NSUN2: variants seen among roughly 807,000 people sequenced by gnomAD.
NSUN2 encodes NOP2/Sun RNA methyltransferase 2.
Under a neutral mutation model 92.7 loss-of-function variants are expected in NSUN2, and 63 were observed. That is an observed-to-expected ratio of 0.68 (90% CI 0.56 to 0.84). The LOEUF is 0.84. Ranked by LOEUF, NSUN2 falls within the 40% of genes least tolerant of loss-of-function variation. The pLI, the probability that NSUN2 is intolerant of heterozygous loss-of-function variation, is 0.00. For synonymous variants in NSUN2, 356 were observed against 348.3 expected (o/e 1.02, Z -0.25); for missense variants, 989 against 964.9 (o/e 1.02, Z -0.33).
At position 6,620,154 on chromosome 5, in the gene NSUN2, C is replaced by T. The variant is rs1456146368; in HGVS notation, c.767G>A (p.Arg256Lys). The T allele has an allele frequency of 2.5e-6, 4 of 1,610,518 alleles. No individual in the cohort carries two copies. Among genetic ancestry groups the T allele is most frequent in the Non-Finnish European group, 3.4e-6 (4 of 1,178,662 alleles). Residue 256 changes from arginine (R) to lysine (K), a missense_variant, in exon 7 of 19, where the codon AGG becomes AAG. Arg to Lys is a conservative substitution (Grantham distance 26). Around this residue, in one of 3 missense-constraint regions of NSUN2, gnomAD observed 356 missense variants for 338.6 expected, o/e 1.05. Coordinates refer to ENST00000264670, the MANE Select transcript of NSUN2 (RefSeq NM_017755.6). Reference protein sequence around the residue: ...IPRLQIDVDGRKEILFYDRIL... With the variant: ...IPRLQIDVDGKKEILFYDRIL... ...TCGATCATAGAAGAGGATCTCTTTC[C>T]TGCCGTCCACATCTATCTGGAGCCT...
Position 6,616,758 on chromosome 5 carries a change from T to G in NSUN2, c.990A>C (p.Ala330=). 1 of 1,510,506 alleles carries G rather than the reference T, an allele frequency of 6.6e-7. No individual in the cohort carries two copies. Among genetic ancestry groups the G allele is most frequent in the Non-Finnish European group, 8.8e-7 (1 of 1,130,310 alleles). 93.6% of individuals were successfully genotyped at this position (1,510,506 alleles called of 1,614,324 possible). Residue 330 remains alanine, a synonymous_variant, in exon 9 of 19, where the codon GCA becomes GCC. Transcript: ENST00000264670. ...TCSLNPIEDE[A]VIASLLEKSE... ...TTTTTTCCAGTAAAGATGCTATGAC[T>G]GCTTCATCCTCAATAGGGTTTAGTG... is the stretch of plus-strand genomic sequence containing the variant.
chr5:6,627,541 C>T (rs1310984858), intron 3 of NSUN2, among the ~76,000 whole-genome samples: 2 of 152,084 alleles, frequency 1.3e-5, no homozygotes, highest in Non-Finnish European at 2.9e-5. Flanking sequence ...ATGTCTTTTT[C>T]GTCAAATTTC....
At chr5:6,602,103 G>A (rs975870157) in intron 18 of NSUN2, among the ~76,000 whole-genome samples, 3 of 152,220 alleles carry the variant, frequency 2.0e-5, no homozygotes, top group Non-Finnish European at 4.4e-5. Flanking sequence ...ACACATGGCT[G>A]AACCAGCCAT....
At chr5:6,620,070 A>T in intron 7 of NSUN2, 36 bp downstream of exon 7, 1 of 1,474,294 alleles carries the variant, frequency 6.8e-7, no homozygotes, top group Non-Finnish European at 9.1e-7. Context: ...TGATTTCTTT[A>T]GTGGATTTGG....
At position 6,604,290 on chromosome 5, in the gene NSUN2, G is replaced by A. The variant is rs776806036; in HGVS notation, c.1819-14C>T. 2 of 1,580,834 alleles carry A rather than the reference G, an allele frequency of 1.3e-6. No individual in the cohort carries two copies. The highest frequency in any genetic ancestry group is 1.7e-6 in the Non-Finnish European group (2 of 1,154,676). On this transcript the variant is annotated splice_polypyrimidine_tract_variant and intron_variant, in intron 16 of 18. Coordinates refer to ENST00000264670, the MANE Select transcript of NSUN2 (RefSeq NM_017755.6). ...TGTATATATTCCCTGTGTGAATAAA[G>A]AGAATGAGAGAACAGATACCATGAT...
chr5:6,602,527 C>A, intron 17 of NSUN2, 27 bp from the exon 18 acceptor site: 1 of 1,612,592 alleles, frequency 6.2e-7, no homozygotes, highest in Non-Finnish European at 8.5e-7. Flanking sequence ...CACACATTTG[C>A]CAGGTTTTCC....
chr5:6,620,196 T>C lies in NSUN2; in HGVS notation c.725A>G (p.Asp242Gly). 1 of 1,613,430 alleles carries C rather than the reference T, an allele frequency of 6.2e-7. No individual in the cohort carries two copies. Among genetic ancestry groups the C allele is most frequent in the Admixed American group, 1.7e-5 (1 of 59,876 alleles). ...CTGGAGCCTGGGTATGCTGGAGGCA[T>C]CATGGTTGACCACCATGATGCAGGG... is the stretch of plus-strand genomic sequence containing the variant. ...SSPCIMVVNH[D>G]ASSIPRLQID... The change falls in exon 7 of 19, where the codon GAT becomes GGT. Residue 242 changes from aspartate (D) to glycine (G), a missense_variant. Physicochemically the swap from Asp to Gly is moderately conservative, Grantham distance 94. This residue lies in a region of NSUN2 where 356 missense variants were observed against 338.6 expected (regional missense o/e 1.05). Transcript: ENST00000264670.
rs761257580 is a variant in NSUN2 at position 6,605,326 on chromosome 5, T to C, written c.1684A>G (p.Met562Val). The change falls in exon 15 of 19, where the codon ATG (methionine) becomes GTG (valine). Residue 562 changes from methionine to valine, a missense_variant. Coordinates refer to ENST00000264670, the MANE Select transcript of NSUN2 (RefSeq NM_017755.6). ...ACATTCCGCAACTCCTTAGAAACCATGTAGAGCTGCCTTTTCTTCCCTTCT... is the reference window on the plus strand; with the variant it reads ...ACATTCCGCAACTCCTTAGAAACCACGTAGAGCTGCCTTTTCTTCCCTTCT... Reference protein sequence around the residue: ...TTEGKKRQLYMVSKELRNVLL... With the variant: ...TTEGKKRQLYVVSKELRNVLL... The C allele has an allele frequency of 8.1e-6, 13 of 1,614,202 alleles. No individual in the cohort carries two copies. The highest frequency in any genetic ancestry group is 2.7e-5 in the African/African-American group (2 of 75,048).
Position 6,611,028 on chromosome 5 carries a change from G to T in NSUN2, c.1153C>A (p.His385Asn). 1 of 1,614,146 alleles carries T rather than the reference G, an allele frequency of 6.2e-7. No individual in the cohort carries two copies. Among genetic ancestry groups the T allele is most frequent in the Non-Finnish European group, 8.5e-7 (1 of 1,180,032 alleles). Residue 385 changes from histidine (H) to asparagine (N), a missense_variant, in exon 11 of 19, where the codon CAC (histidine) becomes AAC (asparagine). His to Asn is a moderately conservative substitution (Grantham distance 68). Transcript: ENST00000264670. Reference sequence around the variant, plus strand: ...AACATGGTAGGTCGGATCTGGGTGTGTCTGCTGTGAGGAACAGCGTCCCAG... The same window carrying T: ...AACATGGTAGGTCGGATCTGGGTGTTTCTGCTGTGAGGAACAGCGTCCCAG... ...TDWDAVPHSR[H>N]TQIRPTMFPP...
rs1053264823 is a variant in NSUN2 at position 6,605,345 on chromosome 5, C to T, written c.1665G>A (p.Gly555=). 2 of 1,614,104 alleles carry T rather than the reference C, an allele frequency of 1.2e-6. No individual in the cohort carries two copies. Among genetic ancestry groups the T allele is most frequent in the African/African-American group, 2.7e-5 (2 of 74,926 alleles). The change falls in exon 15 of 19, where the codon GGG becomes GGA. Residue 555 remains glycine, a synonymous_variant. Coordinates refer to ENST00000264670, the MANE Select transcript of NSUN2 (RefSeq NM_017755.6). The stretch of plus-strand genomic sequence containing the variant: ...AAACCATGTAGAGCTGCCTTTTCTT[C>T]CCTTCTGTAGTCCGAGTTAACAAAT... The part of the protein sequence containing the change: ...RMNLLTRTTE[G]KKRQLYMVSK...
At position 6,611,078 on chromosome 5, in the gene NSUN2, G is replaced by A. The variant is rs200705396; in HGVS notation, c.1103C>T (p.Thr368Met). The change falls in exon 11 of 19, where the codon ACG becomes ATG. Residue 368 changes from threonine to methionine, a missense_variant. Around this residue, in one of 3 missense-constraint regions of NSUN2, gnomAD observed 626 missense variants for 602.3 expected, o/e 1.04. Coordinates refer to ENST00000264670, the MANE Select transcript of NSUN2 (RefSeq NM_017755.6). ...MPGITQWKVM[T>M]KDGQWFTDWD... ...GTCTGTAAACCACTGCCCATCTTTC[G>A]TCATTACCTGCAGAACCACAGGGTA... 29 of 1,613,968 alleles carry A rather than the reference G, an allele frequency of 1.8e-5. No individual in the cohort carries two copies. The highest frequency in any genetic ancestry group is 1.6e-4 in the Middle Eastern group (1 of 6,084).
intron 1 of NSUN2, 21 bp downstream of exon 1, chr5:6,632,863 C>T (rs1737992731): frequency 6.5e-7 from 1 of 1,536,486 alleles, no homozygotes; most frequent in Non-Finnish European, 8.7e-7. Context: ...CCTGGCCCGC[C>T]CGCCGGGTCC....
rs6884320 is a variant in NSUN2 at position 6,611,914 on chromosome 5, T to C, written c.1022-116A>G. On this transcript the variant is annotated intron_variant, in intron 9 of 18. Coordinates refer to ENST00000264670, the MANE Select transcript of NSUN2 (RefSeq NM_017755.6). Reference sequence around the variant, plus strand: ...TATATGATTCCATGTACAGAAAATGTCCAGGGAAGGCAAACCCGTCGACAG... The same window carrying C: ...TATATGATTCCATGTACAGAAAATGCCCAGGGAAGGCAAACCCGTCGACAG... 322,948 of 914,460 alleles carry C rather than the reference T, an allele frequency of 0.35. 59,742 individuals are homozygous for C. The highest frequency in any genetic ancestry group is 0.38 in the Non-Finnish European group (229,179 of 601,774). 56.6% of individuals were successfully genotyped at this position (914,460 alleles called of 1,614,324 possible). A position where few individuals can be genotyped will look rare whatever the true frequency, so the allele number is the denominator to read the frequency against.
chr5:6,600,156 T>C lies in NSUN2; in HGVS notation c.2074A>G (p.Lys692Glu). 1 of 1,614,248 alleles carries C rather than the reference T, an allele frequency of 6.2e-7. No individual in the cohort carries two copies. The highest frequency in any genetic ancestry group is 8.5e-7 in the Non-Finnish European group (1 of 1,180,036). ...GKASIRTFVP[K>E]NERLHYLRMM... is the part of the protein sequence containing the mutation. ...CTGAGATAATGAAGCCGTTCATTCT[T>C]GGGCACAAAAGTTCGAATGGAGGCC... Residue 692 changes from lysine to glutamate, a missense_variant, in exon 19 of 19, where the codon AAG becomes GAG. Physicochemically the swap from Lys to Glu is moderately conservative, Grantham distance 56 (BLOSUM62 1). Transcript: ENST00000264670.
In NSUN2 at chr5:6,614,850, G is replaced by C. The variant is rs3776436; in HGVS notation, c.1021+1877C>G. Among the ~76,000 whole-genome samples the C allele has an allele frequency of 9.3e-3, 1,410 of 151,480 alleles. 19 individuals carry two copies. Among genetic ancestry groups the C allele is most frequent in the African/African-American group, 0.032 (1,327 of 41,330 alleles). ...GGACTCAGGCCAGCAAGTCCTGCCT[G>C]CAAAGAGTGACTCCAGCCACGAGTG... On this transcript the variant is annotated intron_variant, in intron 9 of 18. Transcript: ENST00000264670.
Position 6,600,038 on chromosome 5 carries a change from T to A in NSUN2, c.2192A>T (p.Asp731Val), listed in dbSNP as rs1299322582. 6.2e-7 allele frequency: 1 copy of A among 1,614,254 alleles called. No individual in the cohort carries two copies. The highest frequency in any genetic ancestry group is 1.1e-5 in the South Asian group (1 of 91,088). Residue 731 changes from aspartate (D) to valine (V), a missense_variant, in exon 19 of 19, where the codon GAC becomes GTC. By Grantham distance (152) the Asp-to-Val change is radical (BLOSUM62 -3). This residue lies in a region of NSUN2 where 626 missense variants were observed against 602.3 expected (regional missense o/e 1.04). Transcript: ENST00000264670. ...TCCTGCTCTCTGTCCCTCAGTCACG[T>A]CATTGTCTGGCTGTCCGGTGCTGGC... The part of the protein sequence containing the change: ...SAASTGQPDN[D>V]VTEGQRAGEP...
At chr5:6,600,963 G>A (rs140274073) in intron 18 of NSUN2, among the ~76,000 whole-genome samples, 6 of 152,254 alleles carry the variant, frequency 3.9e-5, no homozygotes, top group Admixed American at 1.3e-4. Flanking sequence ...CCCCAGCAGA[G>A]ATGGACGCCA....
intron 3 of NSUN2, among the ~76,000 whole-genome samples, chr5:6,631,100 AACAAACAG>A (rs1276588949): frequency 6.6e-6 from 1 of 152,136 alleles, no homozygotes; most frequent in Non-Finnish European, 1.5e-5. Flanking sequence ...TCTCCAAACA[AACAAACAG>A]ACAAACAAAA....
intron 7 of NSUN2, among the ~76,000 whole-genome samples, chr5:6,618,386 A>C (rs1395328395): frequency 6.6e-6 from 1 of 152,232 alleles, no homozygotes; most frequent in Non-Finnish European, 1.5e-5. Context: ...CAACAATGAC[A>C]CTTTAATCAG....
Sources: allele counts gnomAD v4.1 joint callset (sites outside exome capture counted in the v4.1 genomes callset), GRCh38; gene constraint gnomAD v4.1.1; regional missense constraint gnomAD v4.1.1; transcripts MANE v1.5; gene names NCBI Gene and HGNC (gene_info 2026-07-23, HGNC 2026-07-21).